METTL15: variants seen among roughly 807,000 people sequenced by gnomAD.
METTL15 encodes the protein 12S rRNA N(4)-cytidine methyltransferase METTL15.
Under a neutral mutation model 38.3 loss-of-function variants are expected in METTL15, and 34 were observed. The observed-to-expected ratio is 0.89, with a 90% CI of 0.68 to 1.18. The LOEUF is 1.18. Ranked by LOEUF, METTL15 falls within the 50% of genes most tolerant of loss-of-function variation. METTL15 has a pLI of 0.00. For missense variants in METTL15, 438 were observed against 498.4 expected (o/e 0.88, Z 1.15); for synonymous variants, 162 against 170.9 (o/e 0.95, Z 0.41).
chr11:28,431,308 G>A (rs1191308863), intron 6 of METTL15, among the ~76,000 whole-genome samples: 1 of 144,728 alleles, frequency 6.9e-6, no homozygotes, highest in African/African-American at 2.5e-5. Context: ...AACAGGCCAG[G>A]ATGACAATGG....
At chr11:28,205,685 G>A (rs1173989711) in intron 3 of METTL15, among the ~76,000 whole-genome samples, 2 of 151,536 alleles carry the variant, frequency 1.3e-5, no homozygotes, top group Non-Finnish European at 2.9e-5. Context: ...TCGCCACACT[G>A]ACTTCCACAA....
chr11:28,126,427 C>T (rs1407994957), intron 3 of METTL15, among the ~76,000 whole-genome samples: 2 of 152,102 alleles, frequency 1.3e-5, no homozygotes, highest in Non-Finnish European at 2.9e-5. Context: ...TTTTGTCTGA[C>T]TTTTACCACT....
intron 6 of METTL15, among the ~76,000 whole-genome samples, chr11:28,306,732 CAAAG>C (rs1349257831): frequency 6.6e-6 from 1 of 151,774 alleles, no homozygotes; most frequent in Non-Finnish European, 1.5e-5. Context: ...TAAAGAATGT[CAAAG>C]AGAGAGAATT....
chr11:28,179,733 CAT>C (rs958842044), intron 3 of METTL15, among the ~76,000 whole-genome samples: 8 of 151,668 alleles, frequency 5.3e-5, no homozygotes, highest in Non-Finnish European at 8.9e-5. Context: ...TGAACATCCT[CAT>C]ATGTATTTTT....
At chr11:28,348,513 G>A (rs1199472508) in intron 3 of METTL15, among the ~76,000 whole-genome samples, 7 of 152,024 alleles carry the variant, frequency 4.6e-5, no homozygotes, top group South Asian at 2.1e-4. Context: ...GACTACAGGT[G>A]CATGCCACCA....
intron 6 of METTL15, among the ~76,000 whole-genome samples, chr11:28,431,789 TTAA>T (rs1224008290): frequency 1.7e-3 from 17 of 9,952 alleles, no homozygotes; most frequent in Non-Finnish European, 3.4e-3. Context: ...AAAAATAAAT[TTAA>T]AAAAAAAAAA....
chr11:28,146,502 T>C (rs558668131), intron 3 of METTL15, among the ~76,000 whole-genome samples: 24 of 152,048 alleles, frequency 1.6e-4, no homozygotes, highest in Non-Finnish European at 2.9e-4. Context: ...TTTGTTCTGC[T>C]TCATAGATTT....
At chr11:28,407,244 G>A (rs917704432) in intron 5 of METTL15, among the ~76,000 whole-genome samples, 3 of 152,142 alleles carry the variant, frequency 2.0e-5, no homozygotes, top group African/African-American at 7.2e-5. Flanking sequence ...TACCATGCAG[G>A]ACATAGGCAT....
intron 6 of METTL15, among the ~76,000 whole-genome samples, chr11:28,506,975 C>A (rs1211314076): frequency 6.6e-6 from 1 of 152,176 alleles, no homozygotes; most frequent in Non-Finnish European, 1.5e-5. Flanking sequence ...AAACTCCTGA[C>A]CTCAAGTGAT....
At chr11:28,284,874 A>G (rs980760233) in intron 4 of METTL15, among the ~76,000 whole-genome samples, 3 of 152,176 alleles carry the variant, frequency 2.0e-5, no homozygotes, top group African/African-American at 4.8e-5. Flanking sequence ...CAAAATATAC[A>G]TGGTGATATG....
rs749418767 is a variant in METTL15 at position 28,120,329 on chromosome 11, G to A, written c.270+6725G>A. 2.9e-5 allele frequency among the ~76,000 whole-genome samples: 4 copies of A among 137,610 alleles called. No individual in the cohort carries two copies. In the South Asian group the frequency reaches 9.4e-4, roughly 32 times the overall value. 90.3% of individuals were successfully genotyped at this position (137,610 alleles called of 152,430 possible). A position where few individuals can be genotyped will look rare whatever the true frequency, so the allele number is the denominator to read the frequency against. On this transcript the variant is annotated intron_variant, in intron 3 of 6. Coordinates refer to ENST00000407364, the MANE Select transcript of METTL15 (RefSeq NM_001113528.2). Reference sequence around the variant, plus strand: ...ACTGTTGATGTTGTGTTTTCCCTCTGTTATTTTTTAAAATACAGGTTTCTT... The same window carrying A: ...ACTGTTGATGTTGTGTTTTCCCTCTATTATTTTTTAAAATACAGGTTTCTT...
chr11:28,483,974 A>T (rs1482329984), intron 6 of METTL15, among the ~76,000 whole-genome samples: 1 of 152,140 alleles, frequency 6.6e-6, no homozygotes, highest in African/African-American at 2.4e-5. Flanking sequence ...AGAGAGTGAG[A>T]TGGTAGGACT....
intron 3 of METTL15, among the ~76,000 whole-genome samples, chr11:28,161,107 C>CTTTTTTTTTTTTTTTTTTTTTTTTTTT (rs10660185): frequency 2.3e-5 from 3 of 131,902 alleles, no homozygotes; most frequent in African/African-American, 2.7e-5. Flanking sequence ...TTGCACCTTC[C>CTTTTTTTTTTTTTTTTTTTTTTTTTTT]TTTTTTTTTT....
intron 3 of METTL15, among the ~76,000 whole-genome samples, chr11:28,202,030 C>T (rs972775308): frequency 6.6e-6 from 1 of 152,110 alleles, no homozygotes; most frequent in Non-Finnish European, 1.5e-5. Context: ...AGACTCTATC[C>T]TGTAGCTTTG....
intron 4 of METTL15, 40 bp from the exon 5 acceptor site, chr11:28,290,166 T>A (rs528140425): frequency 3.3e-6 from 5 of 1,526,998 alleles, no homozygotes; most frequent in Non-Finnish European, 4.4e-6. Context: ...GACTTCAATC[T>A]AACAGAAGTG....
chr11:28,461,694 TATTA>T (rs1285341951), intron 6 of METTL15, among the ~76,000 whole-genome samples: 1 of 152,112 alleles, frequency 6.6e-6, no homozygotes, highest in Non-Finnish European at 1.5e-5. Context: ...TCTCATCAGT[TATTA>T]ATTCTAAACT....
intron 6 of METTL15, among the ~76,000 whole-genome samples, chr11:28,469,635 C>T (rs983339928): frequency 3.3e-5 from 5 of 152,020 alleles, no homozygotes; most frequent in Non-Finnish European, 7.4e-5. Flanking sequence ...TGATAACAAC[C>T]TCTTCATTAT....
At chr11:28,368,887 C>A (rs1039124408) in intron 5 of METTL15, among the ~76,000 whole-genome samples, 4 of 151,954 alleles carry the variant, frequency 2.6e-5, no homozygotes, top group Admixed American at 1.3e-4. Context: ...TCATTCTCAG[C>A]AAACTATCAC....
chr11:28,110,136 CA>C, intron 1 of METTL15, 29 bp from the exon 2 acceptor site: 1 of 152,306 alleles, frequency 6.6e-6, no homozygotes, highest in South Asian at 2.1e-4. Flanking sequence ...TTAAACATGG[CA>C]ATAGTGAGGT....
Sources: allele counts gnomAD v4.1 joint callset (sites outside exome capture counted in the v4.1 genomes callset), GRCh38; gene constraint gnomAD v4.1.1; transcripts MANE v1.5; gene names NCBI Gene and HGNC (gene_info 2026-07-23, HGNC 2026-07-21).